C11orf65: variants seen among roughly 807,000 people sequenced by gnomAD.
C11orf65 encodes the protein chromosome 11 open reading frame 65.
Under a neutral mutation model 35.3 loss-of-function variants are expected in C11orf65, and 38 were observed. The observed-to-expected ratio is 1.08, with a 90% CI of 0.83 to 1.41. The LOEUF (loss-of-function observed/expected upper bound fraction) is 1.41. C11orf65 is among the 40% of genes most tolerant of loss of function. The pLI, the probability that C11orf65 is intolerant of heterozygous loss-of-function variation, is 0.00. For missense variants in C11orf65, 370 were observed against 367.1 expected (o/e 1.01, Z -0.06); for synonymous variants, 105 against 114.4 (o/e 0.92, Z 0.53).
chr11:108,394,032 T>C (rs1339875839), intron 6 of C11orf65, among the ~76,000 whole-genome samples: 1 of 151,682 alleles, frequency 6.6e-6, no homozygotes, highest in African/African-American at 2.4e-5. Context: ...ATACAAAAAT[T>C]AGCTGGGCAT....
At chr11:108,413,093 CACTTCTTCGA>C (rs1016583179) in intron 3 of C11orf65, among the ~76,000 whole-genome samples, 1 of 152,184 alleles carries the variant, frequency 6.6e-6, no homozygotes, top group African/African-American at 2.4e-5. Context: ...ATTTATAAAA[CACTTCTTCGA>C]ACAACAGAAT....
intron 6 of C11orf65, chr11:108,325,947 A>AAT: frequency 2.3e-6 from 3 of 1,319,990 alleles, no homozygotes; most frequent in Non-Finnish European, 3.2e-6. Flanking sequence ...AGTCCCTGAC[A>AAT]AGTAGTTAAG....
intron 2 of C11orf65, among the ~76,000 whole-genome samples, chr11:108,441,160 A>G (rs976937216): frequency 2.6e-5 from 4 of 152,260 alleles, no homozygotes; most frequent in African/African-American, 9.6e-5. Context: ...CAAACAGCAC[A>G]CCAGGAGATT....
intron 3 of C11orf65, among the ~76,000 whole-genome samples, chr11:108,407,786 G>T (rs1191347413): frequency 6.6e-6 from 1 of 151,224 alleles, no homozygotes; most frequent in Non-Finnish European, 1.5e-5. Flanking sequence ...CAAAAAATTA[G>T]CTAGGCATGG....
chr11:108,311,153 T>A (rs1454250159), intron 6 of C11orf65, among the ~76,000 whole-genome samples: 2 of 152,072 alleles, frequency 1.3e-5, no homozygotes, highest in African/African-American at 2.4e-5. Context: ...ATTTTTATTT[T>A]TAATAGAGAC....
At chr11:108,334,037 A>G (rs528834849) in intron 3 of C11orf65, 1 of 1,272,036 alleles carries the variant, frequency 7.9e-7, no homozygotes, top group Non-Finnish European at 1.1e-6. Context: ...CATTTGAAAT[A>G]GTATTTTTAT....
chr11:108,357,296 G>A (rs1456672797), intron 2 of C11orf65, among the ~76,000 whole-genome samples: 3 of 152,284 alleles, frequency 2.0e-5, no homozygotes, highest in Middle Eastern at 3.4e-3. Flanking sequence ...AGGGTCCTAC[G>A]CCCACGGAGT....
At chr11:108,360,718 C>T (rs2090626058) in intron 2 of C11orf65, among the ~76,000 whole-genome samples, 2 of 141,584 alleles carry the variant, frequency 1.4e-5, no homozygotes, top group Admixed American at 1.4e-4. Flanking sequence ...TCAATAGATG[C>T]AGAAAAAGCC....
chr11:108,322,215 T>A (rs1380566088), intron 6 of C11orf65, among the ~76,000 whole-genome samples: 13 of 152,152 alleles, frequency 8.5e-5, no homozygotes, highest in Admixed American at 7.9e-4. Context: ...AGTGTCATGG[T>A]ATAATCTCAG....
intron 3 of C11orf65, among the ~76,000 whole-genome samples, chr11:108,410,978 G>A (rs938849385): frequency 6.6e-6 from 1 of 151,980 alleles, no homozygotes; most frequent in Admixed American, 6.6e-5. Context: ...CAAACTGCTG[G>A]TATTACAGGC....
At chr11:108,340,492 C>G (rs1305975065) in intron 2 of C11orf65, 1 of 152,212 alleles carries the variant, frequency 6.6e-6, no homozygotes, top group Non-Finnish European at 1.5e-5. Flanking sequence ...TCTCTCTTCT[C>G]AAGTCTTGTC....
intron 2 of C11orf65, among the ~76,000 whole-genome samples, chr11:108,358,728 T>C (rs564446377): frequency 1.7e-3 from 248 of 150,250 alleles, no homozygotes; most frequent in African/African-American, 5.6e-3. Context: ...TAAAATACTT[T>C]ACAGACAAGC....
intron 3 of C11orf65, among the ~76,000 whole-genome samples, chr11:108,408,986 T>G (rs1357718216): frequency 6.6e-6 from 1 of 152,100 alleles, no homozygotes; most frequent in Non-Finnish European, 1.5e-5. Flanking sequence ...GATCCTGTTA[T>G]AAAACATATT....
At chr11:108,446,190 C>A (rs1052580385) in intron 2 of C11orf65, among the ~76,000 whole-genome samples, 61 of 151,964 alleles carry the variant, frequency 4.0e-4, no homozygotes, top group Middle Eastern at 3.2e-3. Flanking sequence ...AGAATGGAAC[C>A]AAGTTGGAAA....
intron 7 of C11orf65, among the ~76,000 whole-genome samples, chr11:108,390,301 G>C (rs1427567848): frequency 6.6e-6 from 1 of 152,180 alleles, no homozygotes; most frequent in Non-Finnish European, 1.5e-5. Context: ...TGGGATTACA[G>C]GCGTAAGCCA....
intron 2 of C11orf65, among the ~76,000 whole-genome samples, chr11:108,446,114 A>G (rs1286617517): frequency 6.6e-6 from 1 of 152,158 alleles, no homozygotes; most frequent in East Asian, 1.9e-4. Context: ...CAAAGCCTCC[A>G]AGAAATATGG....
At chr11:108,348,250 G>T (rs1232888041) in intron 2 of C11orf65, among the ~76,000 whole-genome samples, 1 of 151,528 alleles carries the variant, frequency 6.6e-6, no homozygotes, top group Non-Finnish European at 1.5e-5. Context: ...TAATATAAAA[G>T]AAAGAGAATA....
At chr11:108,459,735 A>G (rs1268038944) in intron 2 of C11orf65, among the ~76,000 whole-genome samples, 2 of 137,418 alleles carry the variant, frequency 1.5e-5, no homozygotes, top group Non-Finnish European at 3.1e-5. Flanking sequence ...CTACACACAC[A>G]CACACACACA....
chr11:108,320,962 C>T (rs751707830), intron 6 of C11orf65, among the ~76,000 whole-genome samples: 14 of 152,176 alleles, frequency 9.2e-5, no homozygotes, highest in Non-Finnish European at 1.8e-4. Context: ...AGGAAGAGAA[C>T]ATATATTTAC....
Sources: gnomAD v4.1 joint callset for allele counts (sites outside exome capture counted in the v4.1 genomes callset) on GRCh38, gnomAD v4.1.1 for gene constraint, MANE v1.5 for transcripts, NCBI Gene and HGNC (gene_info 2026-07-23, HGNC 2026-07-21) for gene names.